The following WDR7 variants were observed in gnomAD, a reference collection of about 807,000 sequenced individuals.
WDR7 encodes WD repeat domain 7.
WDR7 carries 46 observed loss-of-function variants against 169.4 expected under a neutral mutation model. The observed-to-expected ratio is 0.27, with a 90% CI of 0.21 to 0.35. The LOEUF (loss-of-function observed/expected upper bound fraction) is 0.35. Ranked by LOEUF, WDR7 falls within the 10% of genes least tolerant of loss-of-function variation. The pLI is 1.00. For missense variants in WDR7, 1,534 were observed against 1,859.3 expected (o/e 0.83, Z 3.22); for synonymous variants, 612 against 666.8 (o/e 0.92, Z 1.27).
intron 20 of WDR7, among the ~76,000 whole-genome samples, chr18:56,846,394 T>C (rs1439560211): frequency 1.3e-5 from 2 of 152,142 alleles, no homozygotes; most frequent in Non-Finnish European, 2.9e-5. Context: ...CCTACTATCC[T>C]CATGGTAGTG....
chr18:57,012,510 G>C (rs2048150025), intron 26 of WDR7, among the ~76,000 whole-genome samples: 1 of 152,192 alleles, frequency 6.6e-6, no homozygotes, highest in African/African-American at 2.4e-5. Context: ...GCTGACTGTT[G>C]CCTGTCCAGA....
chr18:56,885,560 C>T (rs1009741984), intron 21 of WDR7, among the ~76,000 whole-genome samples: 10 of 151,878 alleles, frequency 6.6e-5, no homozygotes, highest in Non-Finnish European at 7.4e-5. Flanking sequence ...CGCGGTGGCT[C>T]ATGCCTGTAA....
chr18:56,917,364 G>A (rs543960849), intron 21 of WDR7, among the ~76,000 whole-genome samples: 2 of 152,180 alleles, frequency 1.3e-5, no homozygotes, highest in South Asian at 2.1e-4. Context: ...AAAATGATAC[G>A]TGATGCTTAT....
chr18:56,719,883 A>C (rs1015126868), intron 13 of WDR7, among the ~76,000 whole-genome samples: 1 of 152,150 alleles, frequency 6.6e-6, no homozygotes, highest in Admixed American at 6.5e-5. Context: ...ATAAAATGAG[A>C]TAATATTTCC....
At chr18:56,774,834 T>A (rs1050950492) in intron 16 of WDR7, among the ~76,000 whole-genome samples, 2 of 152,074 alleles carry the variant, frequency 1.3e-5, no homozygotes, top group Non-Finnish European at 2.9e-5. Flanking sequence ...TTGATTTCTA[T>A]TACAATATTT....
At chr18:56,917,563 G>A (rs527875229) in intron 21 of WDR7, among the ~76,000 whole-genome samples, 89 of 152,300 alleles carry the variant, frequency 5.8e-4, no homozygotes, top group Non-Finnish European at 9.3e-4. Flanking sequence ...ATGCATGTGT[G>A]TGGGTGTGTG....
chr18:56,863,804 G>A (rs2045843553), intron 20 of WDR7, among the ~76,000 whole-genome samples: 1 of 151,594 alleles, frequency 6.6e-6, no homozygotes. Context: ...GACTAAACTG[G>A]TACTTTGTTT....
intron 26 of WDR7, among the ~76,000 whole-genome samples, chr18:56,966,466 C>T (rs2047411437): frequency 6.6e-6 from 1 of 151,990 alleles, no homozygotes; most frequent in African/African-American, 2.4e-5. Flanking sequence ...TAGATTTTCT[C>T]TTCCTTATGA....
chr18:56,986,544 TC>T (rs2047723020), intron 26 of WDR7, among the ~76,000 whole-genome samples: 1 of 152,136 alleles, frequency 6.6e-6, no homozygotes, highest in South Asian at 2.1e-4. Flanking sequence ...ATTAAAGCTT[TC>T]AGAAGTGTGG....
intron 20 of WDR7, among the ~76,000 whole-genome samples, chr18:56,825,363 A>G (rs2045182452): frequency 6.6e-6 from 1 of 152,258 alleles, no homozygotes; most frequent in African/African-American, 2.4e-5. Context: ...TTGCAAAATC[A>G]AGAACTTAAA....
At position 56,731,505 on chromosome 18, in the gene WDR7, A is replaced by T. The variant is rs775289840; in HGVS notation, c.1897A>T (p.Thr633Ser). The T allele has an allele frequency of 2.0e-5, 32 of 1,614,032 alleles. No homozygotes were observed. Among genetic ancestry groups the T allele is most frequent in the Non-Finnish European group, 2.5e-5 (30 of 1,180,028 alleles). The part of the protein sequence containing the change: ...HPAVNLKQAM[T>S]RRSLAALKNM... ...AGCAGTCAACCTAAAACAAGCTATGACGAGACGTAGTCTTGCTGCTCTTAA... is the reference window on the plus strand; with the variant it reads ...AGCAGTCAACCTAAAACAAGCTATGTCGAGACGTAGTCTTGCTGCTCTTAA... Residue 633 changes from threonine to serine, a missense_variant, in exon 14 of 28, where the codon ACG becomes TCG. Physicochemically the swap from Thr to Ser is moderately conservative, Grantham distance 58 (BLOSUM62 1). Coordinates refer to ENST00000254442, the MANE Select transcript of WDR7 (RefSeq NM_015285.3).
At chr18:56,689,597 C>G (rs2025521422) in intron 7 of WDR7, among the ~76,000 whole-genome samples, 1 of 152,148 alleles carries the variant, frequency 6.6e-6, no homozygotes, top group African/African-American at 2.4e-5. Context: ...AATCTTTAAT[C>G]TGGAATTTAT....
intron 20 of WDR7, among the ~76,000 whole-genome samples, chr18:56,869,373 C>T (rs1386557005): frequency 1.3e-5 from 2 of 152,124 alleles, no homozygotes; most frequent in African/African-American, 2.4e-5. Flanking sequence ...AGGGGGCTAT[C>T]GTGCATACAT....
chr18:56,689,417 C>A (rs530968068), intron 7 of WDR7, among the ~76,000 whole-genome samples: 1 of 151,958 alleles, frequency 6.6e-6, no homozygotes, highest in Admixed American at 6.6e-5. Flanking sequence ...TGGACCACCA[C>A]GCCTGACCAA....
At chr18:57,011,070 A>G (rs568402653) in intron 26 of WDR7, among the ~76,000 whole-genome samples, 3 of 152,368 alleles carry the variant, frequency 2.0e-5, no homozygotes, top group East Asian at 1.9e-4. Flanking sequence ...CCTCGATACC[A>G]TAAAAAACTT....
chr18:56,821,863 G>A lies in WDR7; in HGVS notation c.3304+5719G>A, dbSNP rs180902229. ...AAAAATTAAAAGTTAGCTAGGTGTG[G>A]TGGTGCGCACCTGTGGTCCCAGCTA... On this transcript the variant is annotated intron_variant, in intron 20 of 27. Transcript: ENST00000254442. Among the ~76,000 whole-genome samples, 7 of 152,160 alleles carry A rather than the reference G, an allele frequency of 4.6e-5. No homozygotes were observed. In the East Asian group the frequency reaches 1.4e-3, roughly 29 times the overall value.
intron 20 of WDR7, among the ~76,000 whole-genome samples, chr18:56,848,633 A>C (rs2045599698): frequency 6.6e-6 from 1 of 152,010 alleles, no homozygotes; most frequent in Admixed American, 6.6e-5. Flanking sequence ...ATGGGGGTGG[A>C]TCCCTCATGA....
At chr18:56,922,167 A>G (rs970815935) in intron 21 of WDR7, among the ~76,000 whole-genome samples, 8 of 152,182 alleles carry the variant, frequency 5.3e-5, no homozygotes, top group African/African-American at 1.7e-4. Flanking sequence ...AGATAACTAG[A>G]CATTTTGAAA....
chr18:56,778,487 T>G (rs2044271161), intron 17 of WDR7, among the ~76,000 whole-genome samples: 1 of 152,152 alleles, frequency 6.6e-6, no homozygotes. Flanking sequence ...ATCGATAATT[T>G]GGTAAGAATG....
Sources: gnomAD v4.1 joint callset for allele counts (sites outside exome capture counted in the v4.1 genomes callset) on GRCh38, gnomAD v4.1.1 for gene constraint, MANE v1.5 for transcripts, NCBI Gene and HGNC (gene_info 2026-07-23, HGNC 2026-07-21) for gene names.